The following ATXN7L1 variants were observed in gnomAD, a reference collection of about 807,000 sequenced individuals.
ATXN7L1 encodes the protein ataxin-7-like protein 1.
A neutral mutation model predicts 70.8 loss-of-function variants in ATXN7L1; 15 were observed. The observed-to-expected ratio is 0.21, with a 90% CI of 0.14 to 0.33. The LOEUF (loss-of-function observed/expected upper bound fraction) is 0.33. Among genes scored for constraint, ATXN7L1 ranks in the 10% least tolerant of loss-of-function variants. ATXN7L1 has a pLI of 1.00. For missense variants in ATXN7L1, 975 were observed against 1,097.1 expected, an observed-to-expected ratio of 0.89 and a Z score of 1.57; for synonymous variants, 440 against 445.1, an observed-to-expected ratio of 0.99 and a Z score of 0.14.
intron 10 of ATXN7L1, chr7:105,613,456 C>T: frequency 2.9e-6 from 3 of 1,048,508 alleles, no homozygotes; most frequent in Non-Finnish European, 2.3e-6. Flanking sequence ...GGGGTTCCAA[C>T]AGATCAGATC....
chr7:105,611,496 C>T (rs1054383637), intron 10 of ATXN7L1, among the ~76,000 whole-genome samples: 28 of 152,292 alleles, frequency 1.8e-4, no homozygotes, highest in African/African-American at 6.0e-4. Context: ...CTCAGCCTCC[C>T]GAGTAGCTGG....
At chr7:105,630,231 C>T (rs1265661968) in intron 7 of ATXN7L1, among the ~76,000 whole-genome samples, 1 of 152,168 alleles carries the variant, frequency 6.6e-6, no homozygotes, top group African/African-American at 2.4e-5. Flanking sequence ...TCCTGTTAAA[C>T]AGGGCAGATG....
chr7:105,703,421 T>C (rs1380410982), intron 3 of ATXN7L1, among the ~76,000 whole-genome samples: 1 of 152,138 alleles, frequency 6.6e-6, no homozygotes, highest in Non-Finnish European at 1.5e-5. Flanking sequence ...AAAGTCTAGA[T>C]TGGGCAACTG....
chr7:105,806,174 G>A (rs972679195), intron 2 of ATXN7L1, among the ~76,000 whole-genome samples: 27 of 152,070 alleles, frequency 1.8e-4, no homozygotes, highest in African/African-American at 5.8e-4. Context: ...ACTGAACTGC[G>A]TCCCCCTGGA....
At position 105,786,664 on chromosome 7, in the gene ATXN7L1, G is replaced by C. The variant is rs1056518764; in HGVS notation, c.355+1940C>G. Among the ~76,000 whole-genome samples the C allele has an allele frequency of 3.9e-5, 6 of 152,022 alleles. No homozygotes were observed. The East Asian group carries it at 1.2e-3, about 29-fold the overall frequency. ...CCTCTCCAGTAGCTGAGACTTACAGGTATACCACCACACCTGGCTAAATTT... is the reference window on the plus strand; with the variant it reads ...CCTCTCCAGTAGCTGAGACTTACAGCTATACCACCACACCTGGCTAAATTT... On this transcript the variant is annotated intron_variant, in intron 3 of 11. Coordinates refer to ENST00000419735, the MANE Select transcript of ATXN7L1 (RefSeq NM_020725.2).
chr7:105,796,710 G>T (rs1806045451), intron 2 of ATXN7L1, among the ~76,000 whole-genome samples: 1 of 152,176 alleles, frequency 6.6e-6, no homozygotes, highest in African/African-American at 2.4e-5. Context: ...TTATTATACT[G>T]TATTTATTAA....
intron 2 of ATXN7L1, among the ~76,000 whole-genome samples, chr7:105,830,995 T>G (rs1459395424): frequency 1.3e-5 from 2 of 152,266 alleles, no homozygotes; most frequent in Admixed American, 1.3e-4. Flanking sequence ...CAGTTCATTC[T>G]GGGGGCATCT....
intron 10 of ATXN7L1, among the ~76,000 whole-genome samples, chr7:105,611,234 A>G (rs1432045424): frequency 6.6e-6 from 1 of 152,170 alleles, no homozygotes; most frequent in Non-Finnish European, 1.5e-5. Flanking sequence ...CCTTCACACA[A>G]TGGGCCCGGT....
At chr7:105,770,126 T>C (rs1801783816) in intron 3 of ATXN7L1, among the ~76,000 whole-genome samples, 1 of 152,182 alleles carries the variant, frequency 6.6e-6, no homozygotes, top group Non-Finnish European at 1.5e-5. Context: ...GCCAGTGCAG[T>C]GATGTGATTA....
chr7:105,712,610 G>C (rs1584802638), intron 3 of ATXN7L1, among the ~76,000 whole-genome samples: 1 of 152,176 alleles, frequency 6.6e-6, no homozygotes. Flanking sequence ...CTAGGGCAGG[G>C]GGGAAATGCT....
intron 3 of ATXN7L1, among the ~76,000 whole-genome samples, chr7:105,753,881 C>A (rs1034878919): frequency 6.6e-6 from 1 of 152,156 alleles, no homozygotes; most frequent in Non-Finnish European, 1.5e-5. Context: ...CCTGATGAGG[C>A]TTTCTGTCTG....
chr7:105,761,316 C>T, intron 3 of ATXN7L1: 3 of 1,609,216 alleles, frequency 1.9e-6, no homozygotes, highest in Non-Finnish European at 2.5e-6. Context: ...AAGCCGTCTC[C>T]AGACAATGCC....
At chr7:105,707,558 C>T (rs187511633) in intron 3 of ATXN7L1, among the ~76,000 whole-genome samples, 21 of 152,294 alleles carry the variant, frequency 1.4e-4, no homozygotes, top group African/African-American at 4.6e-4. Flanking sequence ...AGAAAGTCAT[C>T]GATTCTGGAC....
At chr7:105,617,975 G>A (rs562024547) in intron 9 of ATXN7L1, 5 of 456,764 alleles carry the variant, frequency 1.1e-5, no homozygotes, top group Admixed American at 2.3e-5. Context: ...AGGGTAGCGG[G>A]GTGCTACGCT....
At chr7:105,848,867 G>C (rs1001959653) in intron 2 of ATXN7L1, among the ~76,000 whole-genome samples, 7 of 152,134 alleles carry the variant, frequency 4.6e-5, no homozygotes, top group African/African-American at 1.7e-4. Flanking sequence ...CCCTCAGCCT[G>C]CCAGCCCAGA....
intron 3 of ATXN7L1, among the ~76,000 whole-genome samples, chr7:105,781,830 G>C (rs1156927813): frequency 2.0e-5 from 3 of 152,006 alleles, no homozygotes; most frequent in African/African-American, 4.8e-5. Context: ...TGCAGAGCTG[G>C]AATTTTTTTT....
chr7:105,786,350 A>C (rs935095046), intron 3 of ATXN7L1, among the ~76,000 whole-genome samples: 1 of 152,154 alleles, frequency 6.6e-6, no homozygotes, highest in African/African-American at 2.4e-5. Flanking sequence ...CAGGTGTATC[A>C]GCTCTGCTAA....
At chr7:105,856,638 C>A (rs1470484779) in intron 2 of ATXN7L1, among the ~76,000 whole-genome samples, 1 of 150,930 alleles carries the variant, frequency 6.6e-6, no homozygotes, top group Non-Finnish European at 1.5e-5. Flanking sequence ...AAAGCATATG[C>A]TAAACAGCTT....
At chr7:105,617,194 AT>A (rs1794042050) in intron 9 of ATXN7L1, among the ~76,000 whole-genome samples, 1 of 151,944 alleles carries the variant, frequency 6.6e-6, no homozygotes, top group Non-Finnish European at 1.5e-5. Flanking sequence ...GCCCGGATAA[AT>A]TTTTGTTTTT....
Sources: gnomAD v4.1 joint callset for allele counts (sites outside exome capture counted in the v4.1 genomes callset) on GRCh38, gnomAD v4.1.1 for gene constraint, MANE v1.5 for transcripts, NCBI Gene and HGNC (gene_info 2026-07-23, HGNC 2026-07-21) for gene names.